SGCD: variants seen among roughly 807,000 people sequenced by gnomAD.
SGCD encodes the protein delta-sarcoglycan.
Under a neutral mutation model 36.6 loss-of-function variants are expected in SGCD, and 18 were observed. The ratio of observed to expected loss-of-function variants is 0.49; its 90% confidence interval spans 0.34 to 0.73. The LOEUF (loss-of-function observed/expected upper bound fraction) is 0.73. Among genes scored for constraint, SGCD ranks in the 30% least tolerant of loss-of-function variants. The pLI is 0.01. For synonymous variants in SGCD, 133 were observed against 130.6 expected, an observed-to-expected ratio of 1.02 and a Z score of -0.12; for missense variants, 387 against 346.7, an observed-to-expected ratio of 1.12 and a Z score of -0.92.
chr5:156,706,013 A>G (rs1754725513), intron 7 of SGCD, among the ~76,000 whole-genome samples: 1 of 152,200 alleles, frequency 6.6e-6, no homozygotes, highest in Non-Finnish European at 1.5e-5. Flanking sequence ...CTAAGGTAAA[A>G]GTCACTTGAA....
chr5:156,578,554 T>A (rs1242338445), intron 4 of SGCD, among the ~76,000 whole-genome samples: 2 of 152,178 alleles, frequency 1.3e-5, no homozygotes, highest in Non-Finnish European at 2.9e-5. Flanking sequence ...TGGACTTCTT[T>A]TGGTTGGTAG....
intron 3 of SGCD, among the ~76,000 whole-genome samples, chr5:156,140,619 G>C (rs530494182): frequency 1.9e-3 from 295 of 152,246 alleles, no homozygotes; most frequent in African/African-American, 6.3e-3. Context: ...TTAGGGTGCT[G>C]CATGGCTTCT....
intron 3 of SGCD, among the ~76,000 whole-genome samples, chr5:156,252,647 T>G (rs1241760580): frequency 6.6e-6 from 1 of 152,218 alleles, no homozygotes; most frequent in Non-Finnish European, 1.5e-5. Flanking sequence ...AAAGCAATAG[T>G]GGCCCCATTA....
chr5:155,882,239 C>CT (rs989320227), intron 1 of SGCD, among the ~76,000 whole-genome samples: 3 of 151,446 alleles, frequency 2.0e-5, no homozygotes, highest in Admixed American at 6.6e-5. Flanking sequence ...CTACACCTGA[C>CT]TTTTTTTTAA....
chr5:156,677,717 A>G (rs1381868561), intron 7 of SGCD, among the ~76,000 whole-genome samples: 1 of 152,106 alleles, frequency 6.6e-6, no homozygotes, highest in African/African-American at 2.4e-5. Flanking sequence ...GGTGGAGAAA[A>G]TTTTATATTT....
At chr5:156,604,587 A>T (rs1237180079) in intron 6 of SGCD, among the ~76,000 whole-genome samples, 4 of 151,788 alleles carry the variant, frequency 2.6e-5, no homozygotes, top group African/African-American at 9.7e-5. Context: ...ATTTAATTCC[A>T]GTCACATGAG....
the SGCD span, among the ~76,000 whole-genome samples, chr5:155,760,106 C>T: frequency 6.6e-6 from 1 of 151,880 alleles, no homozygotes; most frequent in East Asian, 2.0e-4. Flanking sequence ...TCACCAACAC[C>T]CTCTCCATCA....
chr5:155,913,729 G>A (rs1049668852), intron 1 of SGCD, among the ~76,000 whole-genome samples: 1 of 152,012 alleles, frequency 6.6e-6, no homozygotes, highest in African/African-American at 2.4e-5. Context: ...ATTTGAAGTA[G>A]GATTCTTTTT....
At chr5:156,025,227 T>G (rs1245681241) in intron 1 of SGCD, among the ~76,000 whole-genome samples, 1 of 152,112 alleles carries the variant, frequency 6.6e-6, no homozygotes, top group Non-Finnish European at 1.5e-5. Context: ...GATCTCCCCA[T>G]AGGAAATGAG....
chr5:156,128,759 G>A (rs1365272852), intron 3 of SGCD, among the ~76,000 whole-genome samples: 2 of 152,034 alleles, frequency 1.3e-5, no homozygotes, highest in Admixed American at 1.3e-4. Flanking sequence ...TTTGCCTTCT[G>A]CCATGATTGT....
At chr5:156,498,935 C>CGTGTGTGT (rs71577198) in intron 3 of SGCD, among the ~76,000 whole-genome samples, 11 of 149,350 alleles carry the variant, frequency 7.4e-5, no homozygotes, top group African/African-American at 1.2e-4. Context: ...ATGTGTGCTA[C>CGTGTGTGT]GTGTGTGTGT....
intron 1 of SGCD, among the ~76,000 whole-genome samples, chr5:156,018,975 G>GA (rs1237995517): frequency 3.3e-5 from 5 of 152,074 alleles, no homozygotes; most frequent in African/African-American, 1.2e-4. Flanking sequence ...TTTTTAATAG[G>GA]AAAAAATCTG....
chr5:155,901,792 T>C (rs1756396577), intron 1 of SGCD, among the ~76,000 whole-genome samples: 1 of 152,208 alleles, frequency 6.6e-6, no homozygotes, highest in Non-Finnish European at 1.5e-5. Flanking sequence ...TTCAAATGGC[T>C]TCCATGCCTA....
chr5:156,262,940 TAC>T (rs1277609259), intron 3 of SGCD, among the ~76,000 whole-genome samples: 131 of 151,916 alleles, frequency 8.6e-4, no homozygotes, highest in African/African-American at 2.9e-3. Context: ...TATATATATA[TAC>T]ACACACATAT....
At chr5:155,846,313 A>G in the SGCD span, among the ~76,000 whole-genome samples, 4 of 152,240 alleles carry the variant, frequency 2.6e-5, no homozygotes, top group African/African-American at 7.2e-5. Context: ...GGAGTCATTC[A>G]AAAAGTCAGA....
chr5:156,144,365 G>T (rs906396758), intron 3 of SGCD, among the ~76,000 whole-genome samples: 28 of 152,230 alleles, frequency 1.8e-4, no homozygotes, highest in African/African-American at 6.3e-4. Context: ...CAGTGTAAAA[G>T]TGTTCCTATT....
chr5:155,737,452 C>G, the SGCD span, among the ~76,000 whole-genome samples: 4 of 152,174 alleles, frequency 2.6e-5, no homozygotes, highest in African/African-American at 7.2e-5. Context: ...TTACTATAGA[C>G]AGTATAGTCT....
rs146151110 is a variant in SGCD at position 156,112,840 on chromosome 5, G to T, written c.-281-5038G>T. Among the ~76,000 whole-genome samples the T allele has an allele frequency of 8.3e-4, 127 of 152,232 alleles. 1 individual carries two copies. In the East Asian group the frequency reaches 0.023, roughly 27 times the overall value. On this transcript the variant is annotated intron_variant, in intron 1 of 9. Coordinates refer to the SGCD transcript ENST00000517913. ...GGTGATGAGGCTGTTCCATTTCCTA[G>T]CCAGGCACTCTGGCCTGCTGTGTGT...
chr5:156,497,947 T>C (rs779841673), intron 3 of SGCD, among the ~76,000 whole-genome samples: 151 of 152,238 alleles, frequency 9.9e-4, no homozygotes, highest in Non-Finnish European at 1.5e-3. Context: ...CAGTAGCCTG[T>C]CACATAGTCT....
Sources: gnomAD v4.1 joint callset for allele counts (sites outside exome capture counted in the v4.1 genomes callset) on GRCh38, gnomAD v4.1.1 for gene constraint, MANE v1.5 for transcripts, NCBI Gene and HGNC (gene_info 2026-07-23, HGNC 2026-07-21) for gene names.